The following STARD13 variants were observed in gnomAD, a reference collection of about 807,000 sequenced individuals.
STARD13 encodes the protein stAR-related lipid transfer protein 13.
STARD13 carries 62 observed loss-of-function variants against 106.4 expected under a neutral mutation model. That is an observed-to-expected ratio of 0.58 (90% CI 0.48 to 0.72). The LOEUF (loss-of-function observed/expected upper bound fraction) is 0.72, where lower values mean the gene tolerates loss of function less well. STARD13 is among the 30% of genes least tolerant of loss of function. The pLI is 0.00. For synonymous variants in STARD13, 565 were observed against 553.0 expected (o/e 1.02, Z -0.31); for missense variants, 1,387 against 1,424.0 (o/e 0.97, Z 0.42).
the STARD13 span, among the ~76,000 whole-genome samples, chr13:33,357,529 T>C: frequency 6.6e-6 from 1 of 152,110 alleles, no homozygotes; most frequent in Non-Finnish European, 1.5e-5. Context: ...TTATTTAACA[T>C]AACAAGCACA....
At chr13:33,121,549 C>G (rs1279179310) in intron 7 of STARD13, among the ~76,000 whole-genome samples, 1 of 142,442 alleles carries the variant, frequency 7.0e-6, no homozygotes, top group East Asian at 2.1e-4. Flanking sequence ...GCCTGGGCAA[C>G]AGAGCCAGAC....
intron 7 of STARD13, among the ~76,000 whole-genome samples, chr13:33,119,563 G>C (rs536795234): frequency 6.6e-6 from 1 of 152,222 alleles, no homozygotes; most frequent in Non-Finnish European, 1.5e-5. Flanking sequence ...TGTGGTAACA[G>C]CAGGGGAAGG....
the STARD13 span, among the ~76,000 whole-genome samples, chr13:33,499,520 T>TTCTTTCTTCTTCC: frequency 2.1e-5 from 1 of 48,582 alleles, no homozygotes; most frequent in African/African-American, 6.8e-5. Context: ...TCTTCTTTCT[T>TTCTTTCTTCTTCC]TCTTCTTCTT....
intron 1 of STARD13, among the ~76,000 whole-genome samples, chr13:33,215,544 A>G (rs1213372989): frequency 2.0e-5 from 3 of 152,208 alleles, no homozygotes; most frequent in Non-Finnish European, 4.4e-5. Context: ...ATGCTCAGAC[A>G]TAATAATGCT....
the STARD13 span, chr13:33,439,691 C>G: frequency 1.6e-5 from 20 of 1,267,518 alleles, no homozygotes; most frequent in Non-Finnish European, 2.1e-5. Flanking sequence ...GGAGACTTAC[C>G]CACTCTTTCT....
the STARD13 span, among the ~76,000 whole-genome samples, chr13:33,596,801 G>A: frequency 2.0e-5 from 3 of 152,050 alleles, no homozygotes; most frequent in Admixed American, 2.0e-4. Flanking sequence ...GTCTTTCTGT[G>A]CCTGGCTTAT....
the STARD13 span, among the ~76,000 whole-genome samples, chr13:33,482,697 A>C: frequency 6.6e-6 from 1 of 152,210 alleles, no homozygotes; most frequent in Non-Finnish European, 1.5e-5. Context: ...TGCATCTTTT[A>C]ATGTGGTAAG....
At chr13:33,173,292 C>T (rs138398318) in intron 1 of STARD13, among the ~76,000 whole-genome samples, 3 of 152,296 alleles carry the variant, frequency 2.0e-5, no homozygotes, top group African/African-American at 4.8e-5. Context: ...CTAGTGAAGT[C>T]CGTATTTATT....
At chr13:33,304,591 G>T (rs1234671358) in intron 1 of STARD13, among the ~76,000 whole-genome samples, 1 of 152,042 alleles carries the variant, frequency 6.6e-6, no homozygotes, top group African/African-American at 2.4e-5. Flanking sequence ...TAACTTTAAT[G>T]CATGAGTTTT....
At chr13:33,497,543 C>T in the STARD13 span, among the ~76,000 whole-genome samples, 1 of 152,130 alleles carries the variant, frequency 6.6e-6, no homozygotes, top group Non-Finnish European at 1.5e-5. Context: ...CGCAGTCACT[C>T]CTCCTAGTTA....
At chr13:33,485,869 A>G in the STARD13 span, among the ~76,000 whole-genome samples, 1 of 152,234 alleles carries the variant, frequency 6.6e-6, no homozygotes, top group South Asian at 2.1e-4. Context: ...CCATGCAGAG[A>G]TGCAAGAAGA....
chr13:33,392,494 G>C, the STARD13 span, among the ~76,000 whole-genome samples: 1 of 152,114 alleles, frequency 6.6e-6, no homozygotes, highest in South Asian at 2.1e-4. Flanking sequence ...CCGTCTCCTG[G>C]ATTCAAGTGA....
chr13:33,661,974 T>C, the STARD13 span, among the ~76,000 whole-genome samples: 2 of 151,934 alleles, frequency 1.3e-5, no homozygotes, highest in South Asian at 4.2e-4. Flanking sequence ...ATTAAAGTAA[T>C]TATTTTGGCT....
At chr13:33,603,052 AAAGGATCCCTCGGGCC>A in the STARD13 span, among the ~76,000 whole-genome samples, 3 of 152,188 alleles carry the variant, frequency 2.0e-5, no homozygotes, top group Non-Finnish European at 2.9e-5. Flanking sequence ...CTTCCTCAGG[AAAGGATCCCTCGGGCC>A]AAGGATCCCT....
At chr13:33,138,116 C>A (rs2138210766) in intron 4 of STARD13, among the ~76,000 whole-genome samples, 1 of 152,342 alleles carries the variant, frequency 6.6e-6, no homozygotes, top group South Asian at 2.1e-4. Flanking sequence ...TCTTTGGAAG[C>A]TGCTCTTTCT....
the STARD13 span, among the ~76,000 whole-genome samples, chr13:33,403,030 G>T: frequency 6.6e-6 from 1 of 152,224 alleles, no homozygotes; most frequent in Non-Finnish European, 1.5e-5. Context: ...AGGGTCCATT[G>T]AGCTGGTTAA....
At chr13:33,639,394 G>A in the STARD13 span, among the ~76,000 whole-genome samples, 28 of 152,190 alleles carry the variant, frequency 1.8e-4, no homozygotes, top group South Asian at 4.1e-4. Context: ...AAGAACAGCC[G>A]TGGTCTTTGC....
the STARD13 span, among the ~76,000 whole-genome samples, chr13:33,485,408 A>T: frequency 6.6e-6 from 1 of 150,932 alleles, no homozygotes; most frequent in Non-Finnish European, 1.5e-5. Context: ...TATGCAAAAC[A>T]TATCCACAAT....
intron 1 of STARD13, among the ~76,000 whole-genome samples, chr13:33,338,559 T>C (rs2077922240): frequency 1.3e-5 from 2 of 152,054 alleles, no homozygotes; most frequent in South Asian, 4.1e-4. Context: ...ATGCTAACAA[T>C]ATATTTAGCA....
Sources: allele counts gnomAD v4.1 joint callset (sites outside exome capture counted in the v4.1 genomes callset), GRCh38; gene constraint gnomAD v4.1.1; transcripts MANE v1.5; gene names NCBI Gene and HGNC (gene_info 2026-07-23, HGNC 2026-07-21).